The following ARHGAP24 variants were observed in gnomAD, a reference collection of about 807,000 sequenced individuals.
ARHGAP24 encodes rho GTPase-activating protein 24.
In ARHGAP24, 50 loss-of-function variants were observed where a neutral mutation model predicts 76.4. The ratio of observed to expected loss-of-function variants is 0.65; its 90% confidence interval spans 0.52 to 0.83. ARHGAP24 has a LOEUF of 0.83. Ranked by LOEUF, ARHGAP24 falls within the 40% of genes least tolerant of loss-of-function variation. The probability of loss-of-function intolerance (pLI) is 0.00; values close to 1 mark genes in which losing one functional copy is unlikely to be tolerated. For missense variants in ARHGAP24, 930 were observed against 914.2 expected (o/e 1.02, Z -0.22); for synonymous variants, 345 against 323.3 (o/e 1.07, Z -0.72).
At chr4:85,926,359 T>C (rs776306268) in intron 4 of ARHGAP24, among the ~76,000 whole-genome samples, 6 of 152,214 alleles carry the variant, frequency 3.9e-5, no homozygotes, top group Non-Finnish European at 5.9e-5. Flanking sequence ...CTTTGTTTAA[T>C]AAGTATTATG....
intron 1 of ARHGAP24, among the ~76,000 whole-genome samples, chr4:85,558,716 G>A (rs1726483681): frequency 6.6e-6 from 1 of 152,224 alleles, no homozygotes; most frequent in African/African-American, 2.4e-5. Flanking sequence ...GAGCAAGCCT[G>A]ACGATGTTCC....
At chr4:85,954,251 C>T (rs952555618) in intron 5 of ARHGAP24, among the ~76,000 whole-genome samples, 1 of 152,176 alleles carries the variant, frequency 6.6e-6, no homozygotes, top group Non-Finnish European at 1.5e-5. Flanking sequence ...GTAACTTTAT[C>T]AATAATAACC....
At chr4:85,921,556 G>A (rs78465938) in intron 3 of ARHGAP24, among the ~76,000 whole-genome samples, 3 of 147,252 alleles carry the variant, frequency 2.0e-5, no homozygotes, top group East Asian at 4.0e-4. Context: ...TAAAAAAAAA[G>A]ATCACTGAGT....
chr4:85,546,188 C>A (rs1366279809), intron 1 of ARHGAP24, among the ~76,000 whole-genome samples: 1 of 152,038 alleles, frequency 6.6e-6, no homozygotes, highest in Non-Finnish European at 1.5e-5. Context: ...CGTACACACA[C>A]CACTTGGAAC....
At chr4:85,898,024 CAT>C (rs1226268630) in intron 3 of ARHGAP24, among the ~76,000 whole-genome samples, 5 of 85,012 alleles carry the variant, frequency 5.9e-5, no homozygotes, top group South Asian at 7.3e-4. Context: ...TATACACACA[CAT>C]ATATGTGTAT....
chr4:85,549,668 A>G (rs1726052174), intron 1 of ARHGAP24, among the ~76,000 whole-genome samples: 1 of 152,140 alleles, frequency 6.6e-6, no homozygotes, highest in Non-Finnish European at 1.5e-5. Context: ...GGTAAATTGC[A>G]TGTTTCAGGA....
intron 8 of ARHGAP24, among the ~76,000 whole-genome samples, chr4:85,987,318 C>A (rs1182477421): frequency 2.6e-5 from 4 of 151,976 alleles, no homozygotes; most frequent in Non-Finnish European, 2.9e-5. Context: ...CAGCTAATCC[C>A]CAGATGCTTC....
intron 1 of ARHGAP24, among the ~76,000 whole-genome samples, chr4:85,561,345 G>A (rs1159202260): frequency 1.3e-5 from 2 of 152,150 alleles, no homozygotes; most frequent in Non-Finnish European, 2.9e-5. Flanking sequence ...TTAGGCTCCT[G>A]GAATTTGTAT....
Position 85,834,258 on chromosome 4 carries a change from T to C in ARHGAP24, c.269-89390T>C, listed in dbSNP as rs11941812. On this transcript the variant is annotated intron_variant, in intron 3 of 9. Transcript: ENST00000395184. The stretch of plus-strand genomic sequence containing the variant: ...CAGAATGAAGACCTCATTATCATTA[T>C]CTGTGACCTTCTTCCATAGGACCTA... Among the ~76,000 whole-genome samples the C allele has an allele frequency of 8.7e-3, 1,328 of 152,324 alleles. 26 individuals are homozygous for C. Among genetic ancestry groups the C allele is most frequent in the African/African-American group, 0.03 (1,247 of 41,562 alleles).
chr4:85,595,573 T>C (rs1719785328), intron 2 of ARHGAP24, among the ~76,000 whole-genome samples: 1 of 152,074 alleles, frequency 6.6e-6, no homozygotes, highest in African/African-American at 2.4e-5. Flanking sequence ...CTTTGAGGAT[T>C]ATGTAAAAGA....
At chr4:85,833,484 G>GA (rs57631674) in intron 3 of ARHGAP24, among the ~76,000 whole-genome samples, 4 of 149,878 alleles carry the variant, frequency 2.7e-5, no homozygotes, top group African/African-American at 7.4e-5. Flanking sequence ...CTGACCTGGG[G>GA]AAAAAAAAAA....
chr4:85,874,184 G>A (rs917805512), intron 3 of ARHGAP24, among the ~76,000 whole-genome samples: 2 of 152,152 alleles, frequency 1.3e-5, no homozygotes, highest in Non-Finnish European at 2.9e-5. Context: ...TGAAATCTTA[G>A]TGGGCATTGT....
At chr4:85,644,633 A>G (rs1721655018) in intron 2 of ARHGAP24, among the ~76,000 whole-genome samples, 1 of 152,184 alleles carries the variant, frequency 6.6e-6, no homozygotes, top group Non-Finnish European at 1.5e-5. Context: ...TGTTAAGATT[A>G]CAAGGATAAG....
chr4:85,588,589 T>A (rs866034935), intron 2 of ARHGAP24, among the ~76,000 whole-genome samples: 6 of 152,228 alleles, frequency 3.9e-5, no homozygotes, highest in Non-Finnish European at 5.9e-5. Flanking sequence ...AATTAATGTC[T>A]ATGGACTGAA....
chr4:85,579,018 T>G (rs567828127), intron 2 of ARHGAP24, among the ~76,000 whole-genome samples: 1 of 152,196 alleles, frequency 6.6e-6, no homozygotes, highest in African/African-American at 2.4e-5. Flanking sequence ...TCCTTTGTAG[T>G]ATGTCTTTTC....
chr4:85,505,514 G>A (rs1039940654), intron 1 of ARHGAP24, among the ~76,000 whole-genome samples: 2 of 152,088 alleles, frequency 1.3e-5, no homozygotes. Context: ...TCATCAAATT[G>A]GCTATTGAAG....
intron 3 of ARHGAP24, among the ~76,000 whole-genome samples, chr4:85,745,562 C>A (rs1210179498): frequency 6.8e-6 from 1 of 147,660 alleles, no homozygotes; most frequent in African/African-American, 2.5e-5. Context: ...CTGTACTCCA[C>A]CCTGAGTGAC....
intron 3 of ARHGAP24, among the ~76,000 whole-genome samples, chr4:85,872,957 A>G (rs1317350290): frequency 1.3e-5 from 2 of 152,212 alleles, no homozygotes; most frequent in Non-Finnish European, 2.9e-5. Context: ...AGAAAAGAAT[A>G]AATCATTAAT....
chr4:85,801,806 G>A (rs1166153878), intron 3 of ARHGAP24, among the ~76,000 whole-genome samples: 1 of 152,232 alleles, frequency 6.6e-6, no homozygotes, highest in Non-Finnish European at 1.5e-5. Context: ...CAGACATGGT[G>A]AACCCATTAT....
Sources: gnomAD v4.1 joint callset for allele counts (sites outside exome capture counted in the v4.1 genomes callset) on GRCh38, gnomAD v4.1.1 for gene constraint, MANE v1.5 for transcripts, NCBI Gene and HGNC (gene_info 2026-07-23, HGNC 2026-07-21) for gene names.